LPIN1: variants seen among roughly 807,000 people sequenced by gnomAD.
The protein encoded by LPIN1 is lipin 1.
Under a neutral mutation model 107.5 loss-of-function variants are expected in LPIN1, and 71 were observed. The ratio of observed to expected loss-of-function variants is 0.66; its 90% confidence interval spans 0.55 to 0.80. The LOEUF (loss-of-function observed/expected upper bound fraction) is 0.80. Ranked by LOEUF, LPIN1 falls within the 30% of genes least tolerant of loss-of-function variation. The probability of loss-of-function intolerance (pLI) is 0.00; values close to 1 mark genes in which losing one functional copy is unlikely to be tolerated. For missense variants in LPIN1, 1,043 were observed against 1,160.6 expected, an observed-to-expected ratio of 0.90 and a Z score of 1.47; for synonymous variants, 445 against 452.6, an observed-to-expected ratio of 0.98 and a Z score of 0.21.
chr2:11,785,819 C>G (rs1466131450), intron 10 of LPIN1, among the ~76,000 whole-genome samples: 1 of 152,206 alleles, frequency 6.6e-6, no homozygotes, highest in Non-Finnish European at 1.5e-5. Flanking sequence ...CCCTTCAAGG[C>G]TTTGGGAATT....
intron 1 of LPIN1, among the ~76,000 whole-genome samples, chr2:11,737,203 C>G (rs954132608): frequency 2.7e-4 from 41 of 152,228 alleles, no homozygotes; most frequent in African/African-American, 8.9e-4. Context: ...GAAACTGGAC[C>G]CCTTCCTTAC....
Position 11,788,273 on chromosome 2 carries a change from T to G in LPIN1, c.1644-114T>G, listed in dbSNP as rs372338097. On this transcript the variant is annotated intron_variant, in intron 11 of 20. Transcript: ENST00000674199. ...CTGGGGGCTAGCAAGAGTATTGAGC[T>G]CTTTAAGGGCCTCGCTGGAGTCCCG... 70 of 761,654 alleles carry G rather than the reference T, an allele frequency of 9.2e-5. 1 individual carries two copies. The African/African-American group carries it at 1.1e-3, about 12-fold the overall frequency. The allele number at this position is 761,654 out of a possible 1,614,324, so 47.2% of individuals were successfully genotyped here.
chr2:11,693,812 A>T (rs1445269195), intron 1 of LPIN1, among the ~76,000 whole-genome samples: 37 of 31,370 alleles, frequency 1.2e-3, no homozygotes, highest in Non-Finnish European at 1.5e-3. Flanking sequence ...ATATATATAT[A>T]TATATATATA....
At chr2:11,685,633 C>T (rs1292464273) in intron 1 of LPIN1, among the ~76,000 whole-genome samples, 2 of 152,206 alleles carry the variant, frequency 1.3e-5, no homozygotes, top group African/African-American at 4.8e-5. Flanking sequence ...TCTGGTGCAT[C>T]CTTTTGTTTT....
At chr2:11,820,817 T>C (rs1272475931) in intron 20 of LPIN1, among the ~76,000 whole-genome samples, 1 of 152,218 alleles carries the variant, frequency 6.6e-6, no homozygotes, top group African/African-American at 2.4e-5. Flanking sequence ...TTTGAAAGCC[T>C]AGAATGTGAA....
intron 1 of LPIN1, among the ~76,000 whole-genome samples, chr2:11,750,970 C>T (rs2148578055): frequency 6.6e-6 from 1 of 152,294 alleles, no homozygotes; most frequent in South Asian, 2.1e-4. Flanking sequence ...GAGAATGTGC[C>T]ATTGGGTCTT....
intron 1 of LPIN1, among the ~76,000 whole-genome samples, chr2:11,728,174 C>T (rs1664846262): frequency 6.6e-6 from 1 of 152,096 alleles, no homozygotes; most frequent in African/African-American, 2.4e-5. Context: ...TAATATTCTT[C>T]GTAGTGTAGC....
Position 11,792,019 on chromosome 2 carries a change from G to A in LPIN1, c.1806+13G>A. On this transcript the variant is annotated intron_variant, in intron 13 of 20. Coordinates refer to ENST00000674199, the MANE Select transcript of LPIN1 (RefSeq NM_001349206.2). Reference sequence around the variant, plus strand: ...CACAATCAAGGAGGTAAGCCCAGAAGACAAAGCAGTGCTCACACTTAGCAA... The same window carrying A: ...CACAATCAAGGAGGTAAGCCCAGAAAACAAAGCAGTGCTCACACTTAGCAA... 6.2e-7 allele frequency: 1 copy of A among 1,609,310 alleles called. No homozygotes were observed. The highest frequency in any genetic ancestry group is 1.1e-5 in the South Asian group (1 of 90,878).
At chr2:11,712,128 C>T (rs1214761496) in intron 1 of LPIN1, among the ~76,000 whole-genome samples, 1 of 152,224 alleles carries the variant, frequency 6.6e-6, no homozygotes, top group East Asian at 1.9e-4. Flanking sequence ...GCCTCCTTGC[C>T]CCCTGATCCC....
intron 1 of LPIN1, among the ~76,000 whole-genome samples, chr2:11,688,725 G>A (rs547878669): frequency 1.3e-5 from 2 of 152,234 alleles, no homozygotes; most frequent in Non-Finnish European, 2.9e-5. Flanking sequence ...GATAATAAGA[G>A]AGTTTTGTTG....
intron 1 of LPIN1, among the ~76,000 whole-genome samples, chr2:11,713,292 A>T (rs1663523998): frequency 6.6e-6 from 1 of 152,194 alleles, no homozygotes; most frequent in Admixed American, 6.5e-5. Flanking sequence ...TTTGTTTGAG[A>T]TGGATTTTCA....
At position 11,824,709 on chromosome 2, in the gene LPIN1, C is replaced by T. The variant is rs377377619; in HGVS notation, c.2699C>T (p.Ser900Leu). The change falls in exon 21 of 21, where the codon TCG becomes TTG. Residue 900 changes from serine (S) to leucine (L), a missense_variant. Coordinates refer to ENST00000674199, the MANE Select transcript of LPIN1 (RefSeq NM_001349206.2). ...AGCCATTCTTCAGACTTTCCCTGTT[C>T]GGATACCTTCAGTAACTTCACCTTT... ...KRSHSSDFPC[S>L]DTFSNFTFWR... 23 of 1,614,046 alleles carry T rather than the reference C, an allele frequency of 1.4e-5. No individual in the cohort carries two copies. The highest frequency in any genetic ancestry group is 8.0e-5 in the African/African-American group (6 of 74,912).
chr2:11,796,517 G>A (rs185614449), intron 14 of LPIN1, among the ~76,000 whole-genome samples: 1 of 152,212 alleles, frequency 6.6e-6, no homozygotes, highest in Admixed American at 6.5e-5. Flanking sequence ...ACGAGTGTGC[G>A]GGACCTGGTA....
At chr2:11,794,666 C>T (rs897702942) in intron 13 of LPIN1, among the ~76,000 whole-genome samples, 1 of 152,128 alleles carries the variant, frequency 6.6e-6, no homozygotes, top group African/African-American at 2.4e-5. Flanking sequence ...AGTCGTTCAC[C>T]CTCGGTCCCT....
upstream of LPIN1, among the ~76,000 whole-genome samples, chr2:11,723,181 T>C (rs1295794360): frequency 1.3e-5 from 2 of 152,192 alleles, no homozygotes; most frequent in South Asian, 2.1e-4. Flanking sequence ...GCCTGGAAGA[T>C]CAAGAGAGTT....
intron 3 of LPIN1, among the ~76,000 whole-genome samples, chr2:11,770,806 T>C (rs1414340526): frequency 1.3e-5 from 2 of 152,244 alleles, no homozygotes; most frequent in Non-Finnish European, 2.9e-5. Context: ...AGTATCTACT[T>C]CCTCGATGTT....
chr2:11,773,521 A>G, intron 4 of LPIN1, 99 bp from the exon 5 acceptor site: 2 of 1,038,772 alleles, frequency 1.9e-6, no homozygotes, highest in Non-Finnish European at 1.5e-6. Context: ...GATCATGTTA[A>G]TTACAAAGCA....
intron 1 of LPIN1, among the ~76,000 whole-genome samples, chr2:11,728,257 T>C (rs998414272): frequency 6.6e-6 from 1 of 152,222 alleles, no homozygotes; most frequent in Non-Finnish European, 1.5e-5. Context: ...TTAAGGTAGG[T>C]TTCCTGTAGA....
At chr2:11,735,018 G>A (rs752563834) in intron 1 of LPIN1, among the ~76,000 whole-genome samples, 1 of 152,186 alleles carries the variant, frequency 6.6e-6, no homozygotes, top group Non-Finnish European at 1.5e-5. Context: ...CTGGCTGGGC[G>A]CGGTGGCTCA....
Sources: gnomAD v4.1 joint callset for allele counts (sites outside exome capture counted in the v4.1 genomes callset) on GRCh38, gnomAD v4.1.1 for gene constraint, MANE v1.5 for transcripts, NCBI Gene and HGNC (gene_info 2026-07-23, HGNC 2026-07-21) for gene names.